Variants in TBC1D16 observed in about 807,000 individuals in gnomAD.
TBC1D16 encodes the protein CTD-2529O21.1.
TBC1D16 carries 58 observed loss-of-function variants against 74.7 expected under a neutral mutation model. The ratio of observed to expected loss-of-function variants is 0.78; its 90% CI spans 0.63 to 0.97. The LOEUF (loss-of-function observed/expected upper bound fraction) is 0.97. TBC1D16 is among the 50% of genes least tolerant of loss of function. The pLI, the probability that TBC1D16 is intolerant of heterozygous loss-of-function variation, is 0.00. For missense variants in TBC1D16, 1,014 were observed against 1,079.5 expected, an observed-to-expected ratio of 0.94 and a Z score of 0.85; for synonymous variants, 493 against 474.7, an observed-to-expected ratio of 1.04 and a Z score of -0.50.
intron 1 of TBC1D16, among the ~76,000 whole-genome samples, chr17:80,014,908 G>C (rs1439946513): frequency 6.6e-6 from 1 of 152,168 alleles, no homozygotes; most frequent in Admixed American, 6.5e-5. Context: ...AGACGACCTG[G>C]GACGTATGAA....
In TBC1D16 at chr17:79,937,509, C is replaced by G. The variant is rs895581832; in HGVS notation, c.*3350G>C. 1.3e-5 allele frequency: 2 copies of G among 152,336 alleles called. No individual in the cohort carries two copies. The highest frequency in any genetic ancestry group is 2.9e-5 in the Non-Finnish European group (2 of 68,108). The allele number at this position is 152,336 out of a possible 1,614,324, so 9.4% of individuals were successfully genotyped here. A position where few individuals can be genotyped will look rare whatever the true frequency, so the allele number is the denominator to read the frequency against. ...GGAAACCTCCCCCTGCCTGGCACTT[C>G]GGCTGGTCAGGAACAGTGGCTGCTC... On this transcript the variant is annotated 3_prime_UTR_variant, in exon 12 of 12. Coordinates refer to ENST00000310924, the MANE Select transcript of TBC1D16 (RefSeq NM_019020.4).
chr17:79,949,999 A>C, intron 6 of TBC1D16, 134 bp from the exon 7 acceptor site: 1 of 1,165,982 alleles, frequency 8.6e-7, no homozygotes, highest in Non-Finnish European at 1.2e-6. Context: ...ACATATTTAC[A>C]AGGGGAAAGC....
At chr17:79,951,817 C>CTGGTGGTTTTTGTT (rs1207193633) in intron 4 of TBC1D16, among the ~76,000 whole-genome samples, 1 of 152,124 alleles carries the variant, frequency 6.6e-6, no homozygotes, top group East Asian at 1.9e-4. Context: ...CCTGGGGGGC[C>CTGGTGGTTTTTGTT]CTGGAGCTCC....
chr17:79,936,984 T>C lies in TBC1D16; in HGVS notation c.*3875A>G, dbSNP rs1038545387. 2.6e-5 allele frequency: 4 copies of C among 151,708 alleles called. No homozygotes were observed. Among genetic ancestry groups the C allele is most frequent in the African/African-American group, 9.7e-5 (4 of 41,116 alleles). 9.4% of individuals were successfully genotyped at this position (151,708 alleles called of 1,614,324 possible). ...CTCTCCTCCTTCCTCTGAGGCAAAG[T>C]GGCCTGCAGGGGCCCCTGCAGAGCA... On this transcript the variant is annotated 3_prime_UTR_variant, in exon 12 of 12. Transcript: ENST00000310924.
At position 79,987,914 on chromosome 17, in the gene TBC1D16, A is replaced by G. The variant is rs923233362; in HGVS notation, c.779+22246T>C. On this transcript the variant is annotated intron_variant, in intron 3 of 11. Transcript: ENST00000310924. This position sits in a 1 kb window ranked among gnomAD's most constrained non-coding sequence, Gnocchi z 5.2. ...CTGGGAGATGCAGAGGCTCAGAAAA[A>G]CCCTCCGAGGCTCTCGGATTTTACG... Among the ~76,000 whole-genome samples, 12 of 150,288 alleles carry G rather than the reference A, an allele frequency of 8.0e-5. No homozygotes were observed. Among genetic ancestry groups the G allele is most frequent in the African/African-American group, 2.7e-4 (11 of 40,644 alleles).
rs572230299 is a variant in TBC1D16 at position 80,019,290 on chromosome 17, G to A, written c.-62-5681C>T. Among the ~76,000 whole-genome samples, 4 of 149,960 alleles carry A rather than the reference G, an allele frequency of 2.7e-5. 1 individual carries two copies. The highest frequency in any genetic ancestry group is 4.2e-4 in the South Asian group (2 of 4,750). Reference sequence around the variant, plus strand: ...ACCTCACTGTGGCTCTGCGAGGTGCGTCCCAACAGTGCAGCTTTACGGAGG... The same window carrying A: ...ACCTCACTGTGGCTCTGCGAGGTGCATCCCAACAGTGCAGCTTTACGGAGG... On this transcript the variant is annotated intron_variant, in intron 1 of 11. Transcript: ENST00000310924.
rs1209992468 is a variant in TBC1D16 at position 80,008,020 on chromosome 17, A to AT, written c.779+2139dup. 1.7e-3 allele frequency among the ~76,000 whole-genome samples: 249 copies of AT among 148,206 alleles called. No individual in the cohort carries two copies. Among genetic ancestry groups the AT allele is most frequent in the African/African-American group, 5.7e-3 (230 of 40,426 alleles). On this transcript the variant is annotated intron_variant, in intron 3 of 11. Transcript: ENST00000310924. This position sits in a 1 kb window ranked among gnomAD's most constrained non-coding sequence, Gnocchi z 4.5. ...CAATACATCCCCACCCTCAGTTGTG[A>AT]TAAAAAAAAAAAAAAAGTGTCTCCT...
intron 1 of TBC1D16, among the ~76,000 whole-genome samples, chr17:80,025,634 A>C (rs9899890): frequency 0.39 from 25,144 of 64,628 alleles, 2,552 homozygotes; most frequent in African/African-American, 0.49. Context: ...GGAGCCCCCC[A>C]CCCCCACCCA....
At chr17:79,951,668 A>G in intron 4 of TBC1D16, 71 bp from the exon 5 acceptor site, 1 of 1,551,666 alleles carries the variant, frequency 6.4e-7, no homozygotes. Context: ...ATTTCCAAGT[A>G]TAATCAGAGG....
At chr17:79,974,567 C>T (rs373329728) in intron 3 of TBC1D16, among the ~76,000 whole-genome samples, 1 of 152,026 alleles carries the variant, frequency 6.6e-6, no homozygotes, top group East Asian at 1.9e-4. Context: ...TATGGTTGGC[C>T]GAGGGTAACT....
At chr17:79,955,583 T>A (rs2033298111) in intron 3 of TBC1D16, among the ~76,000 whole-genome samples, 1 of 152,236 alleles carries the variant, frequency 6.6e-6, no homozygotes, top group African/African-American at 2.4e-5. Flanking sequence ...CTGCAAATAA[T>A]TTAGCTTGTT....
chr17:79,970,265 G>A (rs1209851768), intron 3 of TBC1D16, among the ~76,000 whole-genome samples: 5 of 152,218 alleles, frequency 3.3e-5, no homozygotes, highest in Non-Finnish European at 1.5e-5. Context: ...GTTAGTGGCT[G>A]CCAGGGCTGG....
chr17:79,934,117 A>T lies in TBC1D16; in HGVS notation c.*6742T>A, dbSNP rs903695856. 1 of 152,240 alleles carries T rather than the reference A, an allele frequency of 6.6e-6. No homozygotes were observed. The highest frequency in any genetic ancestry group is 2.4e-5 in the African/African-American group (1 of 41,450). 9.4% of individuals were successfully genotyped at this position (152,240 alleles called of 1,614,324 possible). A position where few individuals can be genotyped will look rare whatever the true frequency, so the allele number is the denominator to read the frequency against. ...CCTGCCCGAGGCACGGCCCCTGAAA[A>T]GTGTGGCCCGCCAGGTGGCACCTAT... On this transcript the variant is annotated 3_prime_UTR_variant, in exon 12 of 12. Coordinates refer to ENST00000310924, the MANE Select transcript of TBC1D16 (RefSeq NM_019020.4).
rs990578471 is a variant in TBC1D16, at chr17:79,941,729, G to A, written c.2055+331C>T. ...GTGTTCCCAGTTCTGGGTTGTAAGCGAGGTACCCCAGGGTAGGGAACCTGT... is the reference window on the plus strand; with the variant it reads ...GTGTTCCCAGTTCTGGGTTGTAAGCAAGGTACCCCAGGGTAGGGAACCTGT... On this transcript the variant is annotated intron_variant, in intron 11 of 11. Transcript: ENST00000310924. The surrounding 1 kb of genome is among the most constrained non-coding windows in gnomAD (Gnocchi z 4.3). Among the ~76,000 whole-genome samples, 5 of 152,212 alleles carry A rather than the reference G, an allele frequency of 3.3e-5. No homozygotes were observed. Among genetic ancestry groups the A allele is most frequent in the South Asian group, 2.1e-4 (1 of 4,828 alleles).
At chr17:79,943,343 G>C (rs2032196638) in intron 10 of TBC1D16, among the ~76,000 whole-genome samples, 1 of 152,140 alleles carries the variant, frequency 6.6e-6, no homozygotes, top group South Asian at 2.1e-4. Flanking sequence ...AGGAATGTGG[G>C]GAGGGAGAGG....
rs2031889809 is a variant in TBC1D16 at position 79,940,640 on chromosome 17, A to G, written c.*219T>C. ...GCTGCGCGTTCCACTGCAGCGTTTCAGGAGCTGACTTTCCTCTGGGTGGCT... is the reference window on the plus strand; with the variant it reads ...GCTGCGCGTTCCACTGCAGCGTTTCGGGAGCTGACTTTCCTCTGGGTGGCT... On this transcript the variant is annotated 3_prime_UTR_variant, in exon 12 of 12. Transcript: ENST00000310924. This position sits in a 1 kb window ranked among gnomAD's most constrained non-coding sequence, Gnocchi z 5.4. 2.0e-6 allele frequency: 1 copy of G among 488,152 alleles called. No individual in the cohort carries two copies. Among genetic ancestry groups the G allele is most frequent in the East Asian group, 3.5e-5 (1 of 28,348 alleles). 30.2% of individuals were successfully genotyped at this position (488,152 alleles called of 1,614,324 possible).
rs2035025564 is a variant in TBC1D16, at chr17:79,990,719, G to A, written c.779+19441C>T. Among the ~76,000 whole-genome samples the A allele has an allele frequency of 6.6e-6, 1 of 152,132 alleles. No individual in the cohort carries two copies. Among genetic ancestry groups the A allele is most frequent in the Non-Finnish European group, 1.5e-5 (1 of 68,036 alleles). ...CCAGAACTCTCCTTCTTCCCAAACTGAAGCTTTGTCTCCATGAAACACCAG... is the reference window on the plus strand; with the variant it reads ...CCAGAACTCTCCTTCTTCCCAAACTAAAGCTTTGTCTCCATGAAACACCAG... On this transcript the variant is annotated intron_variant, in intron 3 of 11. Coordinates refer to ENST00000310924, the MANE Select transcript of TBC1D16 (RefSeq NM_019020.4). The surrounding 1 kb of genome is among the most constrained non-coding windows in gnomAD (Gnocchi z 4.8).
rs1020365855 is a variant in TBC1D16 at position 79,987,507 on chromosome 17, A to G, written c.779+22653T>C. ...AGCGCTCCTCCTGCCTCGGCCTCCCAAAGTGCTAGGATTACAGGCATGAGT... is the reference window on the plus strand; with the variant it reads ...AGCGCTCCTCCTGCCTCGGCCTCCCGAAGTGCTAGGATTACAGGCATGAGT... On this transcript the variant is annotated intron_variant, in intron 3 of 11. Coordinates refer to ENST00000310924, the MANE Select transcript of TBC1D16 (RefSeq NM_019020.4). This position sits in a 1 kb window ranked among gnomAD's most constrained non-coding sequence, Gnocchi z 5.2. Among the ~76,000 whole-genome samples, 1 of 152,046 alleles carries G rather than the reference A, an allele frequency of 6.6e-6. No homozygotes were observed. Among genetic ancestry groups the G allele is most frequent in the South Asian group, 2.1e-4 (1 of 4,806 alleles).
At chr17:79,992,360 T>C (rs1347040384) in intron 3 of TBC1D16, 2 of 152,190 alleles carry the variant, frequency 1.3e-5, no homozygotes, top group Non-Finnish European at 2.9e-5. Context: ...GGGGAAACCG[T>C]GACCCACATC....
Sources: gnomAD v4.1 joint callset for allele counts (sites outside exome capture counted in the v4.1 genomes callset) on GRCh38, gnomAD v4.1.1 for gene constraint, Gnocchi (gnomAD v3.1) non-coding constraint, MANE v1.5 for transcripts, NCBI Gene and HGNC (gene_info 2026-07-23, HGNC 2026-07-21) for gene names.